The following KRT79 variants were observed in gnomAD, a reference collection of about 807,000 sequenced individuals.
KRT79 encodes the protein keratin, type II cytoskeletal 79.
KRT79 carries 51 observed loss-of-function variants against 49.0 expected under a neutral mutation model. The observed-to-expected ratio is 1.04, with a 90% CI of 0.83 to 1.31. The LOEUF is 1.31. Among genes scored for constraint, KRT79 ranks in the 40% most tolerant of loss-of-function variants. The pLI, the probability that KRT79 is intolerant of heterozygous loss-of-function variation, is 0.00. For synonymous variants in KRT79, 312 were observed against 286.6 expected (o/e 1.09, Z -0.90); for missense variants, 728 against 688.0 (o/e 1.06, Z -0.65).
chr12:52,821,614 A>ACCGTGTCATC lies in KRT79; in HGVS notation c.*257_*258insGATGACACGG. On this transcript the variant is annotated 3_prime_UTR_variant, in exon 9 of 9. Transcript: ENST00000330553. ...GAAATTCAGCCTCCTCTCGGTGGTC[A>ACCGTGTCATC]AAAGGTCACCCCCAAGTCACCCAAG... The ACCGTGTCATC allele has an allele frequency of 5.1e-6, 2 of 391,624 alleles. No homozygotes were observed. The highest frequency in any genetic ancestry group is 3.2e-5 in the South Asian group (1 of 30,848). The allele number at this position is 391,624 out of a possible 1,614,324, so 24.3% of individuals were successfully genotyped here. A position where few individuals can be genotyped will look rare whatever the true frequency, so the allele number is the denominator to read the frequency against.
intron 4 of KRT79, among the ~76,000 whole-genome samples, chr12:52,828,044 G>T (rs1940200853): frequency 6.6e-6 from 1 of 152,094 alleles, no homozygotes; most frequent in Non-Finnish European, 1.5e-5. Context: ...GAGAGATTTG[G>T]AATTTTTCAA....
At chr12:52,833,712 GC>G in intron 1 of KRT79, 71 bp downstream of exon 1, 1 of 1,251,554 alleles carries the variant, frequency 8.0e-7, no homozygotes, top group Non-Finnish European at 1.2e-6. Context: ...AGCAGCCCTG[GC>G]CCAGCCCACC....
chr12:52,834,310 G>A lies in KRT79; in HGVS notation c.-50C>T, dbSNP rs78524383. 61,881 of 1,439,854 alleles carry A rather than the reference G, an allele frequency of 0.043. 2,122 individuals are homozygous for A. The highest frequency in any genetic ancestry group is 0.16 in the Admixed American group (9,354 of 59,126). 89.2% of individuals were successfully genotyped at this position (1,439,854 alleles called of 1,614,324 possible). On this transcript the variant is annotated 5_prime_UTR_variant, in exon 1 of 9. It adds an upstream start codon to the 5' untranslated region. Transcript: ENST00000330553. The stretch of plus-strand genomic sequence containing the variant: ...GATGAGAGGGCAGGAAGGGAGTGCC[G>A]TGAGCTGCTGGGCCACTGTGGGCTT...
intron 7 of KRT79, 58 bp downstream of exon 7, chr12:52,822,958 G>T (rs985670214): frequency 2.3e-5 from 35 of 1,549,640 alleles, no homozygotes; most frequent in Non-Finnish European, 3.0e-5. Context: ...GACTCCCTGG[G>T]CTCTCCCCCA....
intron 1 of KRT79, among the ~76,000 whole-genome samples, chr12:52,833,112 G>GTT (rs1349727394): frequency 2.8e-4 from 42 of 152,324 alleles, no homozygotes; most frequent in African/African-American, 1.0e-3. Flanking sequence ...GCAAGGGCAA[G>GTT]GTTCAGGGCA....
chr12:52,833,600 G>C lies in KRT79; in HGVS notation c.477+184C>G, dbSNP rs7965401. 0.028 allele frequency among the ~76,000 whole-genome samples: 4,298 copies of C among 152,226 alleles called. 85 individuals are homozygous for C. Among genetic ancestry groups the C allele is most frequent in the Non-Finnish European group, 0.046 (3,143 of 68,012 alleles). ...ACTCCCCCCGCACAGGCACGGTGAA[G>C]ACCTGAAGGCCGCCTCCAGCCACCC... On this transcript the variant is annotated intron_variant, in intron 1 of 8. Coordinates refer to ENST00000330553, the MANE Select transcript of KRT79 (RefSeq NM_175834.3).
chr12:52,821,559 T>A lies in KRT79; in HGVS notation c.*313A>T. On this transcript the variant is annotated 3_prime_UTR_variant, in exon 9 of 9. Transcript: ENST00000330553. ...AGGTTGAAGGGTCTTTGGGGACCAC[T>A]CCCAATTTCTCTCTCTCCTAATGGC... The A allele has an allele frequency of 2.6e-6, 1 of 378,162 alleles. No homozygotes were observed. Among genetic ancestry groups the A allele is most frequent in the African/African-American group, 2.1e-5 (1 of 48,448 alleles). 23.4% of individuals were successfully genotyped at this position (378,162 alleles called of 1,614,324 possible).
chr12:52,830,384 C>T (rs893002943), intron 2 of KRT79, 92 bp from the exon 3 acceptor site: 29 of 1,021,808 alleles, frequency 2.8e-5, no homozygotes, highest in Middle Eastern at 4.2e-4. Flanking sequence ...CTGATGGGTC[C>T]CTCACTGATC....
At chr12:52,822,962 T>TC (rs1179790359) in intron 7 of KRT79, 54 bp downstream of exon 7, 1 of 1,548,460 alleles carries the variant, frequency 6.5e-7, no homozygotes, top group East Asian at 2.2e-5. Context: ...CCCTGGGCTC[T>TC]CCCCCAGGGC....
intron 4 of KRT79, among the ~76,000 whole-genome samples, chr12:52,826,117 C>A (rs1463083648): frequency 6.6e-6 from 1 of 151,760 alleles, no homozygotes. Flanking sequence ...CTCAGGGTCT[C>A]TAGCCCCATG....
At chr12:52,830,675 A>G (rs191915259) in intron 2 of KRT79, among the ~76,000 whole-genome samples, 4,142 of 152,274 alleles carry the variant, frequency 0.027, 168 homozygotes, top group African/African-American at 0.092. Flanking sequence ...ACCACTTTTG[A>G]TGAGATTTTA....
Position 52,831,470 on chromosome 12 carries a change from C to T in KRT79, c.634G>A (p.Glu212Lys), listed in dbSNP as rs767198074. The stretch of plus-strand genomic sequence containing the variant: ...AGCTCTGAGTCCAGCCTCCCCCGCT[C>T]GCTCTGAAGTCTGTCCAGCGTGCTC... ...MRSTLDRLQS[E>K]RGRLDSELRN... Residue 212 changes from glutamate (E) to lysine (K), a missense_variant, in exon 2 of 9, where the codon GAG (glutamate) becomes AAG (lysine). Glu to Lys is a moderately conservative substitution (Grantham distance 56). Transcript: ENST00000330553. The T allele has an allele frequency of 3.1e-6, 5 of 1,614,236 alleles. No homozygotes were observed. The South Asian group carries it at 3.3e-5, about 11-fold the overall frequency.
At chr12:52,824,448 A>G (rs1940149597) in intron 4 of KRT79, 86 bp from the exon 5 acceptor site, 4 of 1,368,476 alleles carry the variant, frequency 2.9e-6, no homozygotes, top group African/African-American at 2.9e-5. Context: ...GCCCCCAGGT[A>G]GCATCAGGAG....
chr12:52,834,013 C>T lies in KRT79; in HGVS notation c.248G>A (p.Arg83Gln), dbSNP rs376794232. The change falls in exon 1 of 9, where the codon CGG becomes CAG. Residue 83 changes from arginine to glutamine, a missense_variant. Transcript: ENST00000330553. ...GCCAAAGCCAAAGCCCCCCAGAGCC[C>T]GCCCCAACAAGGCCCCTCCGGCCAC... ...VSVAGGALLG[R>Q]ALGGFGFGSR... is the part of the protein sequence containing the mutation. 5.2e-5 allele frequency: 84 copies of T among 1,612,488 alleles called. No homozygotes were observed. Among genetic ancestry groups the T allele is most frequent in the South Asian group, 4.7e-4 (43 of 90,934 alleles).
intron 4 of KRT79, among the ~76,000 whole-genome samples, chr12:52,828,569 T>G (rs538096062): frequency 3.9e-5 from 6 of 152,198 alleles, no homozygotes; most frequent in Non-Finnish European, 5.9e-5. Flanking sequence ...GACACCACAG[T>G]GGCATTTCAT....
intron 1 of KRT79, among the ~76,000 whole-genome samples, chr12:52,833,232 A>C (rs377086869): frequency 3.3e-5 from 5 of 152,324 alleles, no homozygotes; most frequent in African/African-American, 1.2e-4. Flanking sequence ...GTGTAAAAAA[A>C]GGAGAAGCGG....
intron 5 of KRT79, 58 bp downstream of exon 5, chr12:52,824,140 A>T: frequency 6.2e-7 from 1 of 1,613,000 alleles, no homozygotes; most frequent in Non-Finnish European, 8.5e-7. Context: ...CAAGCCTCTC[A>T]CGATGGGAGA....
chr12:52,831,430 TC>T lies in KRT79; in HGVS notation c.673del (p.Asp225ThrfsTer48), dbSNP rs1451620882. 2 of 1,614,212 alleles carry T rather than the reference TC, an allele frequency of 1.2e-6. No homozygotes were observed. Among genetic ancestry groups the T allele is most frequent in the African/African-American group, 2.7e-5 (2 of 75,050 alleles). On this transcript the variant is annotated frameshift_variant, in exon 2 of 9. Coordinates refer to ENST00000330553, the MANE Select transcript of KRT79 (RefSeq NM_175834.3). LOFTEE classifies it high-confidence loss of function. ...CTTGTTCTTGAAGTCCTCCACAAGG[TC>T]CTGCACGTTCCTGAGCTCTGAGTCC... The part of the protein sequence containing the change: ...RLDSELRNVQ[D>X]LVEDFKNKYE...
Position 52,833,880 on chromosome 12 carries a change from GA to G in KRT79, c.380del (p.Leu127ProfsTer146), listed in dbSNP as rs1164880928. The G allele has an allele frequency of 6.2e-7, 1 of 1,613,934 alleles. No homozygotes were observed. The highest frequency in any genetic ancestry group is 1.1e-5 in the South Asian group (1 of 91,046). On this transcript the variant is annotated frameshift_variant, in exon 1 of 9. Coordinates refer to ENST00000330553, the MANE Select transcript of KRT79 (RefSeq NM_175834.3). LOFTEE classifies it high-confidence loss of function. ...VTVNQSLLTP[L>X]HVEIDPEIQR... ...GGATCTCGGGGTCAATCTCCACATG[GA>G]GGGGGGTCAGCAGGCTCTGGTTGAC... is the stretch of plus-strand genomic sequence containing the variant.
Sources: allele counts gnomAD v4.1 joint callset (sites outside exome capture counted in the v4.1 genomes callset), GRCh38; gene constraint gnomAD v4.1.1; transcripts MANE v1.5; gene names NCBI Gene and HGNC (gene_info 2026-07-23, HGNC 2026-07-21).